The following SLC44A5 variants were observed in gnomAD, a reference collection of about 807,000 sequenced individuals.
The protein encoded by SLC44A5 is solute carrier family 44 member 5.
A neutral mutation model predicts 101.8 loss-of-function variants in SLC44A5; 57 were observed. That is an observed-to-expected ratio of 0.56 (90% confidence interval 0.45 to 0.70). The LOEUF is 0.70. Ranked by LOEUF, SLC44A5 falls within the 30% of genes least tolerant of loss-of-function variation. The pLI, the probability that SLC44A5 is intolerant of heterozygous loss-of-function variation, is 0.00. For synonymous variants in SLC44A5, 281 were observed against 290.9 expected (o/e 0.97, Z 0.35); for missense variants, 737 against 853.1 (o/e 0.86, Z 1.70).
At chr1:75,651,256 G>C in the SLC44A5 span, among the ~76,000 whole-genome samples, 7 of 152,108 alleles carry the variant, frequency 4.6e-5, no homozygotes, top group African/African-American at 1.7e-4. Context: ...TCAAAAACGA[G>C]GAACTCATAA....
rs146505090 is a variant in SLC44A5, at chr1:75,557,209, C to T, written c.-69-15693G>A. ...CTGTGCTATTAACCATAATGTTATA[C>T]GAATAAAGTTCTCCATAAATTCTCC... On this transcript the variant is annotated intron_variant, in intron 1 of 23. Transcript: ENST00000370859. Among the ~76,000 whole-genome samples the T allele has an allele frequency of 8.5e-5, 13 of 152,132 alleles. No individual in the cohort carries two copies. In the South Asian group the frequency reaches 1.0e-3, roughly 12 times the overall value.
At chr1:75,647,806 C>A in the SLC44A5 span, among the ~76,000 whole-genome samples, 1 of 152,150 alleles carries the variant, frequency 6.6e-6, no homozygotes, top group Non-Finnish European at 1.5e-5. Flanking sequence ...ACCCAATGCC[C>A]ATACTCCCAT....
chr1:75,714,494 T>C, the SLC44A5 span, among the ~76,000 whole-genome samples: 23 of 151,966 alleles, frequency 1.5e-4, no homozygotes, highest in Non-Finnish European at 1.3e-4. Context: ...GCCAGGGCAA[T>C]CAGGCAAGGG....
At chr1:75,390,313 C>A (rs2101349465) in intron 3 of SLC44A5, among the ~76,000 whole-genome samples, 1 of 151,738 alleles carries the variant, frequency 6.6e-6, no homozygotes, top group East Asian at 1.9e-4. Flanking sequence ...TTCTACAAAA[C>A]CAGCATCATT....
upstream of SLC44A5, among the ~76,000 whole-genome samples, chr1:75,614,815 C>T (rs1489139273): frequency 1.3e-5 from 2 of 152,138 alleles, no homozygotes; most frequent in Admixed American, 6.5e-5. Context: ...CCAGTTCCCC[C>T]GCGCACAGCC....
chr1:75,650,823 G>A, the SLC44A5 span, among the ~76,000 whole-genome samples: 1 of 152,122 alleles, frequency 6.6e-6, no homozygotes, highest in Non-Finnish European at 1.5e-5. Context: ...GAAACTCCTG[G>A]GCTCAAGCAG....
rs780123120 is a variant in SLC44A5, at chr1:75,237,069, C to T, written c.658G>A (p.Gly220Ser). The T allele has an allele frequency of 1.5e-5, 23 of 1,581,578 alleles. No individual in the cohort carries two copies. The highest frequency in any genetic ancestry group is 1.9e-5 in the Non-Finnish European group (22 of 1,153,952). The change falls in exon 11 of 24, where the codon GGT (glycine) becomes AGT (serine). Residue 220 changes from glycine to serine, a missense_variant and splice_region_variant. Physicochemically the swap from Gly to Ser is moderately conservative, Grantham distance 56. Around this residue, in one of 3 missense-constraint regions of SLC44A5, gnomAD observed 665 missense variants for 764.4 expected, o/e 0.87. Transcript: ENST00000370859. ...TTTGCATCAAGAAGTTTATTGATAC[C>T]ACTGCATTGAAAGAAGGGAAAAAAT... The part of the protein sequence containing the change: ...SVVELGIAAN[G>S]INKLLDAKSL...
chr1:75,322,785 C>G (rs1656265762), intron 4 of SLC44A5, among the ~76,000 whole-genome samples: 1 of 152,042 alleles, frequency 6.6e-6, no homozygotes, highest in Non-Finnish European at 1.5e-5. Flanking sequence ...TGGAGAAATA[C>G]AGGAGAAAGA....
chr1:75,672,730 A>G, the SLC44A5 span, among the ~76,000 whole-genome samples: 2 of 152,104 alleles, frequency 1.3e-5, no homozygotes, highest in Non-Finnish European at 1.5e-5. Context: ...GGGACAGTAA[A>G]GAGAACTTTG....
chr1:75,329,887 T>C (rs926789679), intron 4 of SLC44A5, among the ~76,000 whole-genome samples: 5 of 152,070 alleles, frequency 3.3e-5, no homozygotes, highest in African/African-American at 1.2e-4. Flanking sequence ...GATCCTTCCT[T>C]CAAAATACTG....
rs571471978 is a variant in SLC44A5 at position 75,330,357 on chromosome 1, G to C, written c.101+9225C>G. 2.2e-4 allele frequency among the ~76,000 whole-genome samples: 33 copies of C among 151,670 alleles called. No individual in the cohort carries two copies. The South Asian group carries it at 6.7e-3, about 31-fold the overall frequency. On this transcript the variant is annotated intron_variant, in intron 4 of 23. Transcript: ENST00000370859. ...CACCATCACCACTGCCACCACCCCC[G>C]TGATGGCCTTACCTCATAATTTATT...
At chr1:75,280,442 A>ATTGTATATAATATATATT (rs1557614237) in intron 5 of SLC44A5, among the ~76,000 whole-genome samples, 34 of 23,806 alleles carry the variant, frequency 1.4e-3, no homozygotes, top group African/African-American at 7.3e-3. Context: ...TATTATATAT[A>ATTGTATATAATATATATT]GTATATATTA....
intron 16 of SLC44A5, 143 bp downstream of exon 16, chr1:75,219,114 T>A (rs1647023194): frequency 3.0e-6 from 2 of 657,180 alleles, no homozygotes. Flanking sequence ...GCTTACCTGA[T>A]GCACACTCCC....
chr1:75,603,757 T>TTTTG (rs1675145958), intron 1 of SLC44A5, among the ~76,000 whole-genome samples: 1 of 149,128 alleles, frequency 6.7e-6, no homozygotes, highest in Middle Eastern at 3.5e-3. Context: ...TTTCATGTTT[T>TTTTG]TTTTTTTTTT....
chr1:75,420,699 G>T (rs981629066), intron 2 of SLC44A5, among the ~76,000 whole-genome samples: 3 of 151,810 alleles, frequency 2.0e-5, no homozygotes, highest in Non-Finnish European at 4.4e-5. Context: ...CACTCAATAA[G>T]AGAAATACTT....
intron 3 of SLC44A5, among the ~76,000 whole-genome samples, chr1:75,374,446 G>A (rs1391462741): frequency 6.6e-6 from 1 of 152,152 alleles, no homozygotes; most frequent in African/African-American, 2.4e-5. Context: ...TGTGGAGAAG[G>A]TAGCCCACCA....
chr1:75,516,120 G>A (rs1034016806), intron 2 of SLC44A5, among the ~76,000 whole-genome samples: 2 of 152,178 alleles, frequency 1.3e-5, no homozygotes, highest in African/African-American at 4.8e-5. Context: ...TTCAAAAATC[G>A]TATATCAATC....
the SLC44A5 span, among the ~76,000 whole-genome samples, chr1:75,669,726 AC>A: frequency 8.5e-5 from 13 of 152,150 alleles, no homozygotes; most frequent in Admixed American, 8.5e-4. Context: ...ACAAAAAAAA[AC>A]ACCAGACACA....
intron 2 of SLC44A5, among the ~76,000 whole-genome samples, chr1:75,540,246 A>G (rs981945095): frequency 5.9e-5 from 9 of 152,200 alleles, no homozygotes; most frequent in African/African-American, 2.2e-4. Flanking sequence ...TAAGATAATT[A>G]TTATTGTTAT....
Sources: allele counts gnomAD v4.1 joint callset (sites outside exome capture counted in the v4.1 genomes callset), GRCh38; gene constraint gnomAD v4.1.1; regional missense constraint gnomAD v4.1.1; transcripts MANE v1.5; gene names NCBI Gene and HGNC (gene_info 2026-07-23, HGNC 2026-07-21).